The following SPATA17 variants were observed in gnomAD, a reference collection of about 807,000 sequenced individuals.
SPATA17 encodes spermatogenesis associated 17, also known as spermatogenesis-associated protein 17.
In SPATA17, 53 loss-of-function variants were observed where a neutral mutation model predicts 62.2. That is an observed-to-expected ratio of 0.85 (90% confidence interval 0.68 to 1.07). SPATA17 has a LOEUF of 1.07. SPATA17 is among the 50% of genes least tolerant of loss of function. The probability of loss-of-function intolerance (pLI) is 0.00; values close to 1 mark genes in which losing one functional copy is unlikely to be tolerated. For synonymous variants in SPATA17, 146 were observed against 146.8 expected, an observed-to-expected ratio of 0.99 and a Z score of 0.04; for missense variants, 466 against 425.5, an observed-to-expected ratio of 1.10 and a Z score of -0.84.
intron 5 of SPATA17, among the ~76,000 whole-genome samples, chr1:217,724,475 C>T (rs969801672): frequency 2.0e-5 from 3 of 152,102 alleles, no homozygotes; most frequent in Non-Finnish European, 4.4e-5. Context: ...GTAGTCCCAG[C>T]TACTCAGGAG....
At chr1:217,812,014 T>A (rs912306198) in intron 9 of SPATA17, among the ~76,000 whole-genome samples, 4 of 152,130 alleles carry the variant, frequency 2.6e-5, no homozygotes, top group African/African-American at 9.7e-5. Context: ...GCTGACATGA[T>A]CTTATGGTTC....
intron 3 of SPATA17, among the ~76,000 whole-genome samples, chr1:217,651,609 G>C (rs916887381): frequency 5.3e-5 from 8 of 152,186 alleles, no homozygotes; most frequent in East Asian, 1.9e-4. Context: ...AAAGAATAAG[G>C]CTTCTTTTGT....
At chr1:217,682,377 A>G (rs916481537) in intron 4 of SPATA17, among the ~76,000 whole-genome samples, 2 of 151,600 alleles carry the variant, frequency 1.3e-5, no homozygotes, top group Admixed American at 1.3e-4. Flanking sequence ...AAAAAAAAAA[A>G]CACCCTACTT....
At position 217,782,293 on chromosome 1, in the gene SPATA17, G is replaced by C; in HGVS notation, c.843G>C (p.Glu281Asp). Reference sequence around the variant, plus strand: ...TGGCCAGAGAGGAGCTCAGAAGAGAGGAATGGCTGCAAAATGTAAATGACA... The same window carrying C: ...TGGCCAGAGAGGAGCTCAGAAGAGACGAATGGCTGCAAAATGTAAATGACA... ...LKLAREELRR[E>D]EWLQNVNDNM... The change falls in exon 8 of 11, where the codon GAG becomes GAC. Residue 281 changes from glutamate (E) to aspartate (D), a missense_variant. By Grantham distance (45) the Glu-to-Asp change is conservative. Coordinates refer to ENST00000366933, the MANE Select transcript of SPATA17 (RefSeq NM_138796.4). 5 of 1,609,534 alleles carry C rather than the reference G, an allele frequency of 3.1e-6. No individual in the cohort carries two copies. Among genetic ancestry groups the C allele is most frequent in the Non-Finnish European group, 4.2e-6 (5 of 1,177,938 alleles).
At chr1:217,791,470 A>G (rs180741479) in intron 8 of SPATA17, among the ~76,000 whole-genome samples, 2 of 152,326 alleles carry the variant, frequency 1.3e-5, no homozygotes, top group African/African-American at 4.8e-5. Context: ...CTTTGGCTGT[A>G]TAGTGAGAAC....
chr1:217,760,369 AT>A (rs1673144490), intron 6 of SPATA17, among the ~76,000 whole-genome samples: 4 of 152,226 alleles, frequency 2.6e-5, no homozygotes, highest in Admixed American at 2.6e-4. Context: ...AGTGAAAAAA[AT>A]TCTAATCACT....
At chr1:217,660,319 T>A (rs961668347) in intron 3 of SPATA17, among the ~76,000 whole-genome samples, 2 of 152,206 alleles carry the variant, frequency 1.3e-5, no homozygotes, top group African/African-American at 4.8e-5. Flanking sequence ...TCTCTCTCAT[T>A]TGATTGGAAG....
At chr1:217,696,666 T>TG (rs1460271501) in intron 5 of SPATA17, among the ~76,000 whole-genome samples, 1 of 152,256 alleles carries the variant, frequency 6.6e-6, no homozygotes, top group Non-Finnish European at 1.5e-5. Flanking sequence ...TTGTTCTGGT[T>TG]GTTTGTATCA....
intron 9 of SPATA17, among the ~76,000 whole-genome samples, chr1:217,849,388 T>A (rs2103010599): frequency 6.6e-6 from 1 of 152,288 alleles, no homozygotes; most frequent in East Asian, 1.9e-4. Context: ...TCTACTTGAA[T>A]TTTTTGGAAA....
chr1:217,676,486 C>A (rs1670949108), intron 4 of SPATA17, among the ~76,000 whole-genome samples: 1 of 152,106 alleles, frequency 6.6e-6, no homozygotes, highest in African/African-American at 2.4e-5. Context: ...TAGGAACAAT[C>A]ACAAAATTAT....
intron 5 of SPATA17, among the ~76,000 whole-genome samples, chr1:217,683,744 A>C (rs892208441): frequency 1.4e-4 from 22 of 152,232 alleles, no homozygotes; most frequent in African/African-American, 4.6e-4. Context: ...CCGGCTAAAA[A>C]TATTTTCTAA....
At chr1:217,678,834 C>A (rs1186874155) in intron 4 of SPATA17, among the ~76,000 whole-genome samples, 2 of 152,126 alleles carry the variant, frequency 1.3e-5, no homozygotes, top group Admixed American at 1.3e-4. Flanking sequence ...CTATTCAGAG[C>A]TGATCAATGA....
chr1:217,762,961 C>A (rs1379647125), intron 6 of SPATA17, among the ~76,000 whole-genome samples: 6 of 152,038 alleles, frequency 3.9e-5, no homozygotes, highest in East Asian at 3.9e-4. Context: ...CTCAAAAAAA[C>A]CAAAAACAAA....
chr1:217,713,232 T>C (rs1488144917), intron 5 of SPATA17, among the ~76,000 whole-genome samples: 1 of 152,148 alleles, frequency 6.6e-6, no homozygotes. Flanking sequence ...CCAGTGTGTG[T>C]GCTATCAATT....
intron 5 of SPATA17, among the ~76,000 whole-genome samples, chr1:217,739,054 ATACTT>A (rs1672572298): frequency 6.6e-6 from 1 of 152,228 alleles, no homozygotes. Context: ...GAATATGTAA[ATACTT>A]TATTATCCCT....
At chr1:217,841,661 G>A (rs1210946416) in intron 9 of SPATA17, among the ~76,000 whole-genome samples, 1 of 151,884 alleles carries the variant, frequency 6.6e-6, no homozygotes, top group Admixed American at 6.6e-5. Flanking sequence ...GGTGGCTCAT[G>A]CCTGTAACCT....
At chr1:217,748,850 A>G (rs1672830910) in intron 6 of SPATA17, among the ~76,000 whole-genome samples, 1 of 152,212 alleles carries the variant, frequency 6.6e-6, no homozygotes. Flanking sequence ...CAAGTGCTCA[A>G]TACGTGATTA....
intron 9 of SPATA17, among the ~76,000 whole-genome samples, chr1:217,804,112 A>G (rs1378955047): frequency 6.6e-6 from 1 of 152,214 alleles, no homozygotes; most frequent in Non-Finnish European, 1.5e-5. Flanking sequence ...CTTGAGCAAA[A>G]AGACTAAAGA....
chr1:217,768,997 T>C (rs1468362003), intron 6 of SPATA17, among the ~76,000 whole-genome samples: 2 of 152,148 alleles, frequency 1.3e-5, no homozygotes, highest in Non-Finnish European at 2.9e-5. Context: ...GACTTTTTAT[T>C]TGCCTCTATG....
Sources: gnomAD v4.1 joint callset for allele counts (sites outside exome capture counted in the v4.1 genomes callset) on GRCh38, gnomAD v4.1.1 for gene constraint, MANE v1.5 for transcripts, NCBI Gene and HGNC (gene_info 2026-07-23, HGNC 2026-07-21) for gene names.